STXBP5L: variants seen among roughly 807,000 people sequenced by gnomAD.
STXBP5L encodes syntaxin binding protein 5L, also known as syntaxin-binding protein 5-like.
A neutral mutation model predicts 144.5 loss-of-function variants in STXBP5L; 65 were observed. The observed-to-expected ratio is 0.45, with a 90% CI of 0.37 to 0.55. The LOEUF (loss-of-function observed/expected upper bound fraction) is 0.55. Ranked by LOEUF, STXBP5L falls within the 20% of genes least tolerant of loss-of-function variation. STXBP5L has a pLI of 0.00. For missense variants in STXBP5L, 1,298 were observed against 1,405.5 expected (o/e 0.92, Z 1.22); for synonymous variants, 505 against 469.6 (o/e 1.08, Z -0.97).
rs77354294 is a variant in STXBP5L at position 121,010,009 on chromosome 3, G to T, written c.288-31691G>T. Among the ~76,000 whole-genome samples the T allele has an allele frequency of 1.1e-3, 170 of 152,004 alleles. 3 individuals carry two copies. The East Asian group carries it at 0.025, about 22-fold the overall frequency. On this transcript the variant is annotated intron_variant, in intron 3 of 26. Transcript: ENST00000471454. ...GGCTATGTTGACATGTTCTAGTAAA[G>T]ATACTTCATCTGATATTACAAGTGT...
intron 3 of STXBP5L, among the ~76,000 whole-genome samples, chr3:121,000,977 T>C (rs1943726091): frequency 6.6e-6 from 1 of 152,158 alleles, no homozygotes; most frequent in African/African-American, 2.4e-5. Flanking sequence ...AAGTTAACCA[T>C]TTGATGTACT....
At chr3:121,169,006 C>T (rs2046604367) in intron 9 of STXBP5L, among the ~76,000 whole-genome samples, 1 of 152,310 alleles carries the variant, frequency 6.6e-6, no homozygotes, top group East Asian at 1.9e-4. Context: ...AGAAATCCTA[C>T]AAGCCAGAAG....
chr3:121,158,727 C>A (rs1259946605), intron 9 of STXBP5L: 1 of 152,194 alleles, frequency 6.6e-6, no homozygotes, highest in East Asian at 1.9e-4. Flanking sequence ...CACACACCCC[C>A]AGCTAACCCC....
At chr3:121,344,461 A>C (rs2044868579) in intron 20 of STXBP5L, among the ~76,000 whole-genome samples, 1 of 152,068 alleles carries the variant, frequency 6.6e-6, no homozygotes, top group Non-Finnish European at 1.5e-5. Flanking sequence ...CCTTACAAAA[A>C]AAATCTGCTA....
At chr3:121,195,276 G>A (rs985208582) in intron 9 of STXBP5L, among the ~76,000 whole-genome samples, 1 of 151,938 alleles carries the variant, frequency 6.6e-6, no homozygotes, top group Non-Finnish European at 1.5e-5. Flanking sequence ...GGTCAACCTA[G>A]CTAAAGTTTT....
chr3:121,097,386 G>T (rs1473882961), intron 5 of STXBP5L, among the ~76,000 whole-genome samples: 1 of 152,186 alleles, frequency 6.6e-6, no homozygotes, highest in African/African-American at 2.4e-5. Context: ...AGCTAGTTCA[G>T]TGTTTTCCCT....
intron 9 of STXBP5L, 152 bp from the exon 10 acceptor site, chr3:121,205,771 T>C: frequency 5.3e-6 from 2 of 377,284 alleles, no homozygotes; most frequent in Admixed American, 4.7e-5. Context: ...AACAAAAATA[T>C]TGGGATTCAT....
chr3:121,004,808 T>G (rs2108073838), intron 3 of STXBP5L, among the ~76,000 whole-genome samples: 1 of 152,354 alleles, frequency 6.6e-6, no homozygotes, highest in East Asian at 1.9e-4. Context: ...ATTGAGATAA[T>G]CATGTGGGTT....
intron 10 of STXBP5L, among the ~76,000 whole-genome samples, chr3:121,218,814 G>A (rs2048885201): frequency 6.6e-6 from 1 of 152,102 alleles, no homozygotes; most frequent in African/African-American, 2.4e-5. Context: ...GTGTGACCTT[G>A]CAAAGTTTAA....
intron 9 of STXBP5L, among the ~76,000 whole-genome samples, chr3:121,172,490 A>G (rs2046763104): frequency 6.6e-6 from 1 of 152,202 alleles, no homozygotes; most frequent in South Asian, 2.1e-4. Context: ...GTTTACAAGT[A>G]AAAAACAACC....
intron 17 of STXBP5L, among the ~76,000 whole-genome samples, chr3:121,258,297 A>G (rs2050273989): frequency 6.6e-6 from 1 of 152,180 alleles, no homozygotes; most frequent in South Asian, 2.1e-4. Context: ...GCATATCTAC[A>G]TTTGCCACTC....
chr3:121,352,325 G>A (rs2045322593), intron 20 of STXBP5L, among the ~76,000 whole-genome samples: 1 of 152,110 alleles, frequency 6.6e-6, no homozygotes, highest in Non-Finnish European at 1.5e-5. Context: ...AGTATGGAAT[G>A]TTCTTCCATT....
chr3:121,028,369 A>G (rs1270229433), intron 3 of STXBP5L, among the ~76,000 whole-genome samples: 1 of 152,054 alleles, frequency 6.6e-6, no homozygotes, highest in African/African-American at 2.4e-5. Context: ...TTGGTACTCT[A>G]TAACTTGCTT....
intron 3 of STXBP5L, among the ~76,000 whole-genome samples, chr3:120,995,498 A>G (rs754024861): frequency 1.3e-4 from 20 of 151,738 alleles, no homozygotes; most frequent in Middle Eastern, 3.4e-3. Context: ...CTTCTTGTGC[A>G]TTAATTGAAC....
At chr3:121,305,213 C>CTATCAA (rs2043297424) in intron 19 of STXBP5L, among the ~76,000 whole-genome samples, 3 of 152,096 alleles carry the variant, frequency 2.0e-5, no homozygotes, top group Non-Finnish European at 4.4e-5. Flanking sequence ...CAGGTGGCTG[C>CTATCAA]ACTTGTTAAT....
intron 5 of STXBP5L, among the ~76,000 whole-genome samples, chr3:121,071,014 G>A (rs1357568249): frequency 6.6e-6 from 1 of 152,188 alleles, no homozygotes; most frequent in Non-Finnish European, 1.5e-5. Context: ...ACAAGTTCCT[G>A]TATGAGTCCC....
intron 7 of STXBP5L, among the ~76,000 whole-genome samples, chr3:121,144,408 C>T (rs562135720): frequency 1.3e-5 from 2 of 151,678 alleles, no homozygotes; most frequent in African/African-American, 4.8e-5. Flanking sequence ...ATTAGAGAAA[C>T]GCAAATCAAA....
chr3:121,000,230 C>T (rs950126382), intron 3 of STXBP5L, among the ~76,000 whole-genome samples: 2 of 152,162 alleles, frequency 1.3e-5, no homozygotes, highest in African/African-American at 4.8e-5. Flanking sequence ...CTCTCCCCCT[C>T]TCTTTCAGTG....
chr3:121,163,993 AT>A (rs1356207057), intron 9 of STXBP5L, among the ~76,000 whole-genome samples: 1 of 152,140 alleles, frequency 6.6e-6, no homozygotes, highest in Non-Finnish European at 1.5e-5. Flanking sequence ...AGCTTCAATG[AT>A]TTTTTAATAT....
Sources: gnomAD v4.1 joint callset for allele counts (sites outside exome capture counted in the v4.1 genomes callset) on GRCh38, gnomAD v4.1.1 for gene constraint, MANE v1.5 for transcripts, NCBI Gene and HGNC (gene_info 2026-07-23, HGNC 2026-07-21) for gene names.